The following CTDSPL2 variants were observed in gnomAD, a reference collection of about 807,000 sequenced individuals.
CTDSPL2 encodes the protein CTD small phosphatase-like protein 2.
CTDSPL2 carries 5 observed loss-of-function variants against 60.0 expected under a neutral mutation model. That is an observed-to-expected ratio of 0.08 (90% CI 0.04 to 0.18). CTDSPL2 has a LOEUF of 0.18. Among genes scored for constraint, CTDSPL2 ranks in the 10% least tolerant of loss-of-function variants. The probability of loss-of-function intolerance (pLI) is 1.00; values close to 1 mark genes in which losing one functional copy is unlikely to be tolerated. For synonymous variants in CTDSPL2, 186 were observed against 189.3 expected, an observed-to-expected ratio of 0.98 and a Z score of 0.14; for missense variants, 370 against 548.8, an observed-to-expected ratio of 0.67 and a Z score of 3.26.
At chr15:44,468,341 T>C (rs1262012116) in intron 2 of CTDSPL2, among the ~76,000 whole-genome samples, 1 of 149,086 alleles carries the variant, frequency 6.7e-6, no homozygotes, top group Non-Finnish European at 1.5e-5. Context: ...TTTATTAATT[T>C]AATACTGTCT....
At chr15:44,498,017 A>C (rs2081330325) in intron 7 of CTDSPL2, among the ~76,000 whole-genome samples, 1 of 152,112 alleles carries the variant, frequency 6.6e-6, no homozygotes, top group Non-Finnish European at 1.5e-5. Context: ...ATGATATTTT[A>C]GGGTACCAGA....
intron 10 of CTDSPL2, among the ~76,000 whole-genome samples, chr15:44,517,653 G>A (rs1016417653): frequency 1.3e-5 from 2 of 152,106 alleles, no homozygotes; most frequent in African/African-American, 4.8e-5. Flanking sequence ...TGAATAATTG[G>A]AAGGCTTTTA....
chr15:44,494,609 G>T (rs1388394132), intron 5 of CTDSPL2, among the ~76,000 whole-genome samples: 1 of 147,718 alleles, frequency 6.8e-6, no homozygotes, highest in African/African-American at 2.5e-5. Context: ...AAAAAAAAAA[G>T]GTTAAAAGAA....
intron 7 of CTDSPL2, among the ~76,000 whole-genome samples, chr15:44,497,407 C>T (rs1006715122): frequency 3.9e-5 from 6 of 152,028 alleles, no homozygotes; most frequent in African/African-American, 1.2e-4. Context: ...GCTCTGTCGC[C>T]CAGGCTGGAG....
At position 44,526,898 on chromosome 15, in the gene CTDSPL2, T is replaced by C. The variant is rs2081884439; in HGVS notation, c.*2724T>C. 6.6e-6 allele frequency: 1 copy of C among 152,624 alleles called. No individual in the cohort carries two copies. Among genetic ancestry groups the C allele is most frequent in the African/African-American group, 2.4e-5 (1 of 41,472 alleles). 9.5% of individuals were successfully genotyped at this position (152,624 alleles called of 1,614,324 possible). A position where few individuals can be genotyped will look rare whatever the true frequency, so the allele number is the denominator to read the frequency against. ...GTGACCTGTATACACATTACAACTC[T>C]GGAGTACATATTAAAGTCGTGCTAT... On this transcript the variant is annotated 3_prime_UTR_variant, in exon 13 of 13. Coordinates refer to ENST00000260327, the MANE Select transcript of CTDSPL2 (RefSeq NM_016396.3).
intron 10 of CTDSPL2, among the ~76,000 whole-genome samples, chr15:44,518,395 A>G (rs942179658): frequency 8.5e-5 from 13 of 152,210 alleles, no homozygotes; most frequent in African/African-American, 3.1e-4. Context: ...AAAATGATGT[A>G]GTATTTTTCT....
chr15:44,499,152 G>A (rs1403954155), intron 7 of CTDSPL2, among the ~76,000 whole-genome samples: 1 of 152,044 alleles, frequency 6.6e-6, no homozygotes, highest in Non-Finnish European at 1.5e-5. Context: ...GCTCACTTCT[G>A]TAATCCCAGC....
intron 1 of CTDSPL2, among the ~76,000 whole-genome samples, chr15:44,444,826 A>G (rs1235485989): frequency 8.1e-6 from 1 of 123,296 alleles, no homozygotes; most frequent in Non-Finnish European, 1.6e-5. Flanking sequence ...GTGTTGAGAT[A>G]TGGAATGTAG....
intron 2 of CTDSPL2, among the ~76,000 whole-genome samples, chr15:44,465,638 G>A (rs1043543346): frequency 2.0e-5 from 3 of 151,182 alleles, no homozygotes; most frequent in Admixed American, 1.3e-4. Flanking sequence ...ATGATTAGAT[G>A]AACATTTTTG....
chr15:44,443,676 A>G (rs1467817196), intron 1 of CTDSPL2, among the ~76,000 whole-genome samples: 1 of 152,026 alleles, frequency 6.6e-6, no homozygotes, highest in Non-Finnish European at 1.5e-5. Context: ...AGTGATGTCA[A>G]GTGTGTTTTC....
chr15:44,478,453 A>C (rs1237804161), intron 2 of CTDSPL2, among the ~76,000 whole-genome samples: 1 of 5,476 alleles, frequency 1.8e-4, no homozygotes, highest in South Asian at 5.3e-3. Flanking sequence ...ACTCTGTCTC[A>C]AAAAAAAAAA....
rs1400337578 is a variant in CTDSPL2, at chr15:44,528,586, G to GCTA, written c.*4415_*4417dup. 2 of 151,806 alleles carry GCTA rather than the reference G, an allele frequency of 1.3e-5. No homozygotes were observed. Among genetic ancestry groups the GCTA allele is most frequent in the Admixed American group, 1.3e-4 (2 of 15,228 alleles). The allele number at this position is 151,806 out of a possible 1,614,324, so 9.4% of individuals were successfully genotyped here. ...TGGAGGAATAATAAAGAAGATTAAG[G>GCTA]CTACTGCTCATTATCATTTTTGTCT... is the stretch of plus-strand genomic sequence containing the variant. On this transcript the variant is annotated 3_prime_UTR_variant, in exon 13 of 13. Transcript: ENST00000260327.
At chr15:44,441,884 TG>T (rs1429756592) in intron 1 of CTDSPL2, among the ~76,000 whole-genome samples, 1 of 152,218 alleles carries the variant, frequency 6.6e-6, no homozygotes, top group African/African-American at 2.4e-5. Flanking sequence ...TTTCTGGGGC[TG>T]TAGCTTGTAA....
At chr15:44,441,985 A>G (rs574626645) in intron 1 of CTDSPL2, among the ~76,000 whole-genome samples, 1 of 152,262 alleles carries the variant, frequency 6.6e-6, no homozygotes, top group South Asian at 2.1e-4. Flanking sequence ...GATAGTGGAA[A>G]GAGAGACTCC....
In CTDSPL2 at chr15:44,453,922, A is replaced by G. The variant is rs1209160279; in HGVS notation, c.-24-5069A>G. Among the ~76,000 whole-genome samples, 14 of 152,102 alleles carry G rather than the reference A, an allele frequency of 9.2e-5. 1 individual carries two copies. The highest frequency in any genetic ancestry group is 7.9e-4 in the Admixed American group (12 of 15,266). On this transcript the variant is annotated intron_variant, in intron 1 of 12. Transcript: ENST00000260327. ...TGTCTTTATAGCAGCATGATTTATA[A>G]TCCTTTGGGTATTTACCCAGTAATG...
At chr15:44,469,895 A>G (rs1424186799) in intron 2 of CTDSPL2, among the ~76,000 whole-genome samples, 2 of 152,092 alleles carry the variant, frequency 1.3e-5, no homozygotes, top group African/African-American at 4.8e-5. Flanking sequence ...CAGGAGATCG[A>G]GACCTTCCTG....
intron 6 of CTDSPL2, among the ~76,000 whole-genome samples, 180 bp downstream of exon 6, chr15:44,496,638 G>A (rs1205910622): frequency 6.6e-6 from 1 of 152,152 alleles, no homozygotes; most frequent in African/African-American, 2.4e-5. Context: ...CAGGCAGGCA[G>A]ATTGTTTGAG....
chr15:44,427,915 C>A, intron 1 of CTDSPL2, 143 bp downstream of exon 1: 1 of 374,612 alleles, frequency 2.7e-6, no homozygotes, highest in East Asian at 3.8e-5. Flanking sequence ...CTCTTTGGCG[C>A]CTCGTACGTC....
intron 12 of CTDSPL2, among the ~76,000 whole-genome samples, chr15:44,522,530 A>T (rs2081798631): frequency 6.6e-6 from 1 of 152,130 alleles, no homozygotes; most frequent in Non-Finnish European, 1.5e-5. Flanking sequence ...AGGCAGGCAG[A>T]TCACTTGAGG....
Sources: allele counts gnomAD v4.1 joint callset (sites outside exome capture counted in the v4.1 genomes callset), GRCh38; gene constraint gnomAD v4.1.1; transcripts MANE v1.5; gene names NCBI Gene and HGNC (gene_info 2026-07-23, HGNC 2026-07-21).